Variants in SAMD5 observed in about 807,000 individuals in gnomAD.
The protein encoded by SAMD5 is sterile alpha motif domain containing 5.
In SAMD5, 13 loss-of-function variants were observed where a neutral mutation model predicts 11.3. The observed-to-expected ratio is 1.15, with a 90% CI of 0.75 to 1.83. SAMD5 has a LOEUF of 1.83. Ranked by LOEUF, SAMD5 falls within the 40% of genes most tolerant of loss-of-function variation. The probability of loss-of-function intolerance (pLI) is 0.00; values close to 1 mark genes in which losing one functional copy is unlikely to be tolerated. For synonymous variants in SAMD5, 129 were observed against 111.3 expected (o/e 1.16, Z -1.00); for missense variants, 255 against 239.1 (o/e 1.07, Z -0.44).
At chr6:147,524,042 G>A (rs778973554) in intron 1 of SAMD5, among the ~76,000 whole-genome samples, 10 of 152,176 alleles carry the variant, frequency 6.6e-5, no homozygotes, top group Non-Finnish European at 1.3e-4. Context: ...AGTTAGGTTG[G>A]TGACATTAAC....
chr6:147,752,973 G>A, the SAMD5 span, among the ~76,000 whole-genome samples: 22 of 152,188 alleles, frequency 1.4e-4, no homozygotes, highest in Non-Finnish European at 2.8e-4. Flanking sequence ...GTGGGTGACT[G>A]CATTTATTTT....
In SAMD5 at chr6:147,623,689, A is replaced by G. The variant is rs1402527051; in HGVS notation, c.163-113628A>G. 3.9e-5 allele frequency among the ~76,000 whole-genome samples: 6 copies of G among 152,322 alleles called. No individual in the cohort carries two copies. In the East Asian group the frequency reaches 1.2e-3, roughly 29 times the overall value. On this transcript the variant is annotated intron_variant, in intron 1 of 1. Coordinates refer to the SAMD5 transcript ENST00000566741. ...GTTTTTGCTCATCATAACTGACTCT[A>G]TTATGCCTGATGTATCTGAAAAAAC...
chr6:147,647,356 T>G (rs844595), intron 1 of SAMD5, among the ~76,000 whole-genome samples: 105,155 of 151,538 alleles, frequency 0.69, 36,579 homozygotes, highest in South Asian at 0.8. Context: ...TGAGGTTAAG[T>G]TTTCTGGTTT....
intron 1 of SAMD5, among the ~76,000 whole-genome samples, chr6:147,628,526 G>A (rs1407321048): frequency 6.6e-6 from 1 of 152,192 alleles, no homozygotes; most frequent in African/African-American, 2.4e-5. Flanking sequence ...GTGATAGGGA[G>A]GGAAAGGTCA....
chr6:147,509,282 C>T lies in SAMD5; in HGVS notation c.354C>T (p.Arg118=), dbSNP rs1257939728. The change falls in exon 1 of 2, where the codon CGC becomes CGT. Residue 118 remains arginine (R), a synonymous_variant. Coordinates refer to ENST00000367474, the MANE Select transcript of SAMD5 (RefSeq NM_001030060.3). ...CTCGCGGCCACACGACCGCCCCCCG[C>T]AGCAGGGAGCTGGTGAGCTACCCCA... The part of the protein sequence containing the change: ...GDSRGHTTAP[R]SRELVSYPKL... 6.4e-7 allele frequency: 1 copy of T among 1,564,266 alleles called. No homozygotes were observed. Among genetic ancestry groups the T allele is most frequent in the East Asian group, 2.6e-5 (1 of 39,032 alleles).
chr6:147,932,603 T>A, the SAMD5 span, among the ~76,000 whole-genome samples: 1 of 109,712 alleles, frequency 9.1e-6, no homozygotes, highest in African/African-American at 4.2e-5. Flanking sequence ...TGTGTGTGTG[T>A]GTGTGTGTGT....
At chr6:147,914,318 C>T in the SAMD5 span, among the ~76,000 whole-genome samples, 1 of 151,856 alleles carries the variant, frequency 6.6e-6, no homozygotes, top group Non-Finnish European at 1.5e-5. Flanking sequence ...GAAGGAGATG[C>T]TAAAAGAAAA....
Position 147,564,509 on chromosome 6 carries a change from A to C in SAMD5, c.*53A>C. The C allele has an allele frequency of 1.2e-6, 1 of 847,802 alleles. No homozygotes were observed. The highest frequency in any genetic ancestry group is 1.7e-5 in the Admixed American group (1 of 58,314). The allele number at this position is 847,802 out of a possible 1,614,324, so 52.5% of individuals were successfully genotyped here. On this transcript the variant is annotated 3_prime_UTR_variant, in exon 2 of 2. Coordinates refer to ENST00000367474, the MANE Select transcript of SAMD5 (RefSeq NM_001030060.3). ...CTGATGAGGTGCCTGAAGACTGGAA[A>C]AGGGCATATTTAGAACCTTCTTTCA... is the stretch of plus-strand genomic sequence containing the variant.
the SAMD5 span, among the ~76,000 whole-genome samples, chr6:147,774,706 G>A: frequency 5.3e-5 from 8 of 151,704 alleles, no homozygotes; most frequent in Non-Finnish European, 1.0e-4. Context: ...TATTTTTATT[G>A]TTATATTGTT....
intron 1 of SAMD5, among the ~76,000 whole-genome samples, chr6:147,546,341 C>T (rs1484358414): frequency 6.6e-6 from 1 of 152,104 alleles, no homozygotes; most frequent in African/African-American, 2.4e-5. Context: ...ACCAGCCTGA[C>T]CAACGTGGAG....
intron 1 of SAMD5, among the ~76,000 whole-genome samples, chr6:147,675,708 G>A (rs1399788455): frequency 2.0e-5 from 3 of 152,162 alleles, no homozygotes; most frequent in Non-Finnish European, 2.9e-5. Flanking sequence ...GATTGGTCCA[G>A]TAATATAACT....
chr6:147,831,983 TA>T, the SAMD5 span, among the ~76,000 whole-genome samples: 1 of 152,034 alleles, frequency 6.6e-6, no homozygotes, highest in Non-Finnish European at 1.5e-5. Flanking sequence ...TTCAAGAAGT[TA>T]TTTTTTTTTT....
the SAMD5 span, among the ~76,000 whole-genome samples, chr6:147,851,082 G>T: frequency 6.6e-6 from 1 of 151,802 alleles, no homozygotes; most frequent in Non-Finnish European, 1.5e-5. Flanking sequence ...AAGTAGCTGG[G>T]ATTACAGGCG....
At chr6:147,718,836 A>C (rs112495027) in intron 1 of SAMD5, among the ~76,000 whole-genome samples, 25,906 of 151,934 alleles carry the variant, frequency 0.17, 3,403 homozygotes, top group African/African-American at 0.36. Flanking sequence ...GACTACAGGC[A>C]TGTGCCACCA....
the SAMD5 span, among the ~76,000 whole-genome samples, chr6:147,925,080 T>C: frequency 6.6e-6 from 1 of 152,220 alleles, no homozygotes; most frequent in Non-Finnish European, 1.5e-5. Flanking sequence ...TACTGAATGC[T>C]TATGTTCCTG....
At chr6:147,927,262 C>T in the SAMD5 span, among the ~76,000 whole-genome samples, 1 of 152,152 alleles carries the variant, frequency 6.6e-6, no homozygotes, top group Non-Finnish European at 1.5e-5. Flanking sequence ...CCATTATGGC[C>T]ATTTTAATGA....
chr6:147,547,674 T>C (rs77934953), intron 1 of SAMD5, among the ~76,000 whole-genome samples: 2,659 of 152,300 alleles, frequency 0.017, 55 homozygotes, highest in South Asian at 0.067. Context: ...CCTTTTGTCA[T>C]GTACTGTAAG....
At chr6:147,726,534 C>CCAGGCT (rs1791629907) in intron 1 of SAMD5, among the ~76,000 whole-genome samples, 1 of 152,112 alleles carries the variant, frequency 6.6e-6, no homozygotes, top group South Asian at 2.1e-4. Flanking sequence ...AGGCCCAGGC[C>CCAGGCT]CAGGTCCAGG....
chr6:147,543,148 A>G (rs1788632252), intron 1 of SAMD5, among the ~76,000 whole-genome samples: 1 of 152,136 alleles, frequency 6.6e-6, no homozygotes. Context: ...CTGAACCTAT[A>G]TCTGTCCCAG....
Sources: allele counts gnomAD v4.1 joint callset (sites outside exome capture counted in the v4.1 genomes callset), GRCh38; gene constraint gnomAD v4.1.1; transcripts MANE v1.5; gene names NCBI Gene and HGNC (gene_info 2026-07-23, HGNC 2026-07-21).